PREX2: variants seen among roughly 807,000 people sequenced by gnomAD.
The protein encoded by PREX2 is phosphatidylinositol-3,4,5-trisphosphate dependent Rac exchange factor 2, also known as phosphatidylinositol 3,4,5-trisphosphate-dependent Rac exchanger 2 protein.
Under a neutral mutation model 203.2 loss-of-function variants are expected in PREX2, and 107 were observed. The observed-to-expected ratio is 0.53, with a 90% CI of 0.45 to 0.62. The LOEUF is 0.62. Among genes scored for constraint, PREX2 ranks in the 20% least tolerant of loss-of-function variants. PREX2 has a pLI of 0.00. For missense variants in PREX2, 1,777 were observed against 1,955.9 expected (o/e 0.91, Z 1.72); for synonymous variants, 672 against 663.6 (o/e 1.01, Z -0.19).
At chr8:68,162,269 C>T (rs1262372245) in intron 35 of PREX2, among the ~76,000 whole-genome samples, 1 of 152,034 alleles carries the variant, frequency 6.6e-6, no homozygotes, top group Non-Finnish European at 1.5e-5. Flanking sequence ...TTGATGAAAA[C>T]CATTTTATAA....
chr8:68,087,860 G>C, intron 19 of PREX2, 51 bp downstream of exon 19: 1 of 1,172,210 alleles, frequency 8.5e-7, no homozygotes, highest in East Asian at 2.3e-5. Context: ...TTTGGGATGT[G>C]CCCGATGGAA....
chr8:68,027,340 C>T lies in PREX2; in HGVS notation c.543+17C>T, dbSNP rs780442851. The T allele has an allele frequency of 1.4e-6, 2 of 1,395,360 alleles. No individual in the cohort carries two copies. Among genetic ancestry groups the T allele is most frequent in the Admixed American group, 1.7e-5 (1 of 58,378 alleles). 86.4% of individuals were successfully genotyped at this position (1,395,360 alleles called of 1,614,324 possible). ...ATTTTGAAGGTATTTTATGTGCTAC[C>T]TCATTGTAGCCATTTTCTTGTATCT... On this transcript the variant is annotated intron_variant, in intron 5 of 39. Coordinates refer to ENST00000288368, the MANE Select transcript of PREX2 (RefSeq NM_024870.4).
intron 4 of PREX2, among the ~76,000 whole-genome samples, chr8:68,026,582 C>G (rs940536648): frequency 1.3e-5 from 2 of 151,972 alleles, no homozygotes; most frequent in African/African-American, 2.4e-5. Context: ...GCTTCAGTTT[C>G]ACCCCACTCT....
intron 35 of PREX2, among the ~76,000 whole-genome samples, chr8:68,158,810 A>T (rs1027989217): frequency 1.3e-5 from 2 of 152,148 alleles, no homozygotes; most frequent in Non-Finnish European, 2.9e-5. Flanking sequence ...CCTTTTGATC[A>T]AAAATCTTTC....
At chr8:68,071,941 A>G (rs188977750) in intron 13 of PREX2, among the ~76,000 whole-genome samples, 79 of 152,274 alleles carry the variant, frequency 5.2e-4, no homozygotes, top group Non-Finnish European at 8.2e-4. Flanking sequence ...AGTATAATCT[A>G]TTGTGATTTA....
intron 12 of PREX2, 105 bp from the exon 13 acceptor site, chr8:68,069,730 A>G: frequency 1.8e-6 from 1 of 568,330 alleles, no homozygotes; most frequent in Non-Finnish European, 3.2e-6. Context: ...AGATTTTGTG[A>G]TGATTCTAAA....
rs1813173458 is a variant in PREX2, at chr8:68,231,655, T to C, written c.*277T>C. The stretch of plus-strand genomic sequence containing the variant: ...TCACTTTTAGAGTAAAATCCATCCC[T>C]GGGACATAAAGAAAAAAATATTAGA... On this transcript the variant is annotated 3_prime_UTR_variant, in exon 40 of 40. Coordinates refer to ENST00000288368, the MANE Select transcript of PREX2 (RefSeq NM_024870.4). 6.5e-6 allele frequency: 2 copies of C among 308,922 alleles called. No individual in the cohort carries two copies. The highest frequency in any genetic ancestry group is 1.2e-5 in the Non-Finnish European group (2 of 170,554). The allele number at this position is 308,922 out of a possible 1,614,324, so 19.1% of individuals were successfully genotyped here.
At chr8:68,097,326 C>CTTTT (rs5892134) in intron 22 of PREX2, 125 bp downstream of exon 22, 30 of 574,736 alleles carry the variant, frequency 5.2e-5, no homozygotes, top group Admixed American at 7.1e-5. Context: ...ATTCAAACTT[C>CTTTT]TTTTTTTTTT....
intron 35 of PREX2, among the ~76,000 whole-genome samples, chr8:68,161,373 G>A (rs188237398): frequency 9.9e-5 from 15 of 152,194 alleles, no homozygotes; most frequent in East Asian, 3.9e-4. Context: ...GATTACAAGC[G>A]TGAGCCACCA....
chr8:68,207,545 A>G (rs1812654026), intron 37 of PREX2, among the ~76,000 whole-genome samples: 1 of 151,950 alleles, frequency 6.6e-6, no homozygotes, highest in African/African-American at 2.4e-5. Context: ...GCTACAGTCA[A>G]TATAGACACC....
At chr8:68,194,086 G>GT (rs1047328599) in intron 37 of PREX2, among the ~76,000 whole-genome samples, 4 of 152,210 alleles carry the variant, frequency 2.6e-5, no homozygotes, top group African/African-American at 7.2e-5. Flanking sequence ...AGCTTTGAAA[G>GT]TTTTTTTGCT....
At chr8:68,203,207 G>A (rs1167071847) in intron 37 of PREX2, among the ~76,000 whole-genome samples, 1 of 152,176 alleles carries the variant, frequency 6.6e-6, no homozygotes, top group African/African-American at 2.4e-5. Flanking sequence ...TTTACCAGCT[G>A]TCTGGGTATC....
At chr8:68,037,346 T>A (rs750300206) in intron 6 of PREX2, among the ~76,000 whole-genome samples, 1 of 152,216 alleles carries the variant, frequency 6.6e-6, no homozygotes, top group Admixed American at 6.5e-5. Flanking sequence ...GCATTAGTTA[T>A]GATAGATTAG....
chr8:68,138,592 T>G, intron 33 of PREX2, 75 bp downstream of exon 33: 1 of 659,962 alleles, frequency 1.5e-6, no homozygotes, highest in South Asian at 2.3e-5. Flanking sequence ...TATTAATATA[T>G]TTGATAAGTA....
chr8:67,981,954 C>G (rs1337621425), intron 1 of PREX2, among the ~76,000 whole-genome samples: 1 of 152,170 alleles, frequency 6.6e-6, no homozygotes, highest in African/African-American at 2.4e-5. Context: ...GCTGTGCACT[C>G]TATATACTCT....
rs751679946 is a variant in PREX2 at position 68,108,277 on chromosome 8, T to C, written c.2884T>C (p.Leu962=). 3 of 1,614,008 alleles carry C rather than the reference T, an allele frequency of 1.9e-6. No individual in the cohort carries two copies. The highest frequency in any genetic ancestry group is 1.7e-6 in the Non-Finnish European group (2 of 1,179,910). Residue 962 remains leucine (L), a synonymous_variant, in exon 24 of 40, where the codon TTG becomes CTG. Transcript: ENST00000288368. ...TTTGGGAAGTGCATTTGGTGTTCAG[T>C]TGGATAGCAGGAAGCATAATTCTCA... is the stretch of plus-strand genomic sequence containing the variant. ...TSLGSAFGVQ[L]DSRKHNSHDK...
chr8:68,030,808 A>T (rs1180150950), intron 6 of PREX2, 150 bp downstream of exon 6: 1 of 753,066 alleles, frequency 1.3e-6, no homozygotes, highest in East Asian at 2.7e-5. Context: ...GCTCACTTTC[A>T]TCATTATTTT....
intron 39 of PREX2, among the ~76,000 whole-genome samples, chr8:68,229,693 G>A (rs972641221): frequency 2.0e-5 from 3 of 152,166 alleles, no homozygotes; most frequent in Admixed American, 2.0e-4. Context: ...GCTGAGCAAG[G>A]TAATGGAATG....
At chr8:68,151,721 G>A (rs928462993) in intron 34 of PREX2, among the ~76,000 whole-genome samples, 1 of 151,404 alleles carries the variant, frequency 6.6e-6, no homozygotes, top group Non-Finnish European at 1.5e-5. Context: ...AATAGGATAT[G>A]TGATGCTGGT....
Sources: allele counts gnomAD v4.1 joint callset (sites outside exome capture counted in the v4.1 genomes callset), GRCh38; gene constraint gnomAD v4.1.1; transcripts MANE v1.5; gene names NCBI Gene and HGNC (gene_info 2026-07-23, HGNC 2026-07-21).